Variants in SYNJ2 observed in about 807,000 individuals in gnomAD.
SYNJ2 encodes the protein polyphosphatidylinositol phosphatase SYNJ2.
SYNJ2 carries 116 observed loss-of-function variants against 141.3 expected under a neutral mutation model. That is an observed-to-expected ratio of 0.82 (90% CI 0.71 to 0.96). SYNJ2 has a LOEUF of 0.96. Among genes scored for constraint, SYNJ2 ranks in the 40% least tolerant of loss-of-function variants. SYNJ2 has a pLI of 0.00. For missense variants in SYNJ2, 1,873 were observed against 1,934.8 expected (o/e 0.97, Z 0.60); for synonymous variants, 745 against 777.7 (o/e 0.96, Z 0.70).
Position 158,027,273 on chromosome 6 carries a change from C to T in SYNJ2, c.215-1483C>T. ...CCAGACCATGGCTGTAGACAGCGGC[C>T]CTTGATCATTCACAGAAGATCTCGC... On this transcript the variant is annotated intron_variant, in intron 2 of 26. Transcript: ENST00000355585. The surrounding 1 kb of genome is among the most constrained non-coding windows in gnomAD (Gnocchi z 4.6). The T allele has an allele frequency of 1.1e-6, 1 of 896,046 alleles. No homozygotes were observed. The highest frequency in any genetic ancestry group is 1.3e-6 in the Non-Finnish European group (1 of 748,680). 55.5% of individuals were successfully genotyped at this position (896,046 alleles called of 1,614,324 possible). A position where few individuals can be genotyped will look rare whatever the true frequency, so the allele number is the denominator to read the frequency against.
intron 1 of SYNJ2, among the ~76,000 whole-genome samples, chr6:157,988,028 A>G (rs967879219): frequency 2.0e-5 from 3 of 152,272 alleles, no homozygotes; most frequent in Non-Finnish European, 4.4e-5. Flanking sequence ...GGCCATGTCC[A>G]GTGGCCTCTA....
chr6:158,071,910 G>A lies in SYNJ2; in HGVS notation c.2133+116G>A, dbSNP rs1781952456. On this transcript the variant is annotated intron_variant, in intron 15 of 26. Coordinates refer to ENST00000355585, the MANE Select transcript of SYNJ2 (RefSeq NM_003898.4). This position sits in a 1 kb window ranked among gnomAD's most constrained non-coding sequence, Gnocchi z 4.3. ...CCACAGGGAGGGCCCCTTCCTGGAG[G>A]GCTCAGCGCTGGGGGAGGGGGAGAG... 5.7e-6 allele frequency: 7 copies of A among 1,231,070 alleles called. No homozygotes were observed. The allele number at this position is 1,231,070 out of a possible 1,614,324, so 76.3% of individuals were successfully genotyped here. A position where few individuals can be genotyped will look rare whatever the true frequency, so the allele number is the denominator to read the frequency against.
intron 4 of SYNJ2, among the ~76,000 whole-genome samples, chr6:158,041,865 T>C (rs556046661): frequency 2.6e-4 from 40 of 152,194 alleles, no homozygotes; most frequent in Non-Finnish European, 4.8e-4. Flanking sequence ...TACGCCACCA[T>C]ACCCGGCTAA....
chr6:158,088,437 A>T (rs1289116392), intron 23 of SYNJ2, among the ~76,000 whole-genome samples: 4 of 152,160 alleles, frequency 2.6e-5, no homozygotes, highest in African/African-American at 9.7e-5. Flanking sequence ...TCTCCAGATC[A>T]TCTACATCAA....
intron 13 of SYNJ2, 132 bp from the exon 14 acceptor site, chr6:158,069,401 C>T (rs1781771118): frequency 1.7e-6 from 2 of 1,146,190 alleles, no homozygotes; most frequent in Non-Finnish European, 2.4e-6. Flanking sequence ...AAGCATGACA[C>T]TAATATTGGG....
At chr6:158,022,748 A>G (rs1583335633) in intron 2 of SYNJ2, among the ~76,000 whole-genome samples, 1 of 152,118 alleles carries the variant, frequency 6.6e-6, no homozygotes, top group Admixed American at 6.5e-5. Flanking sequence ...ACTGCCAAGA[A>G]CCCCGCAAGC....
intron 10 of SYNJ2, 21 bp downstream of exon 10, chr6:158,064,771 C>A: frequency 6.2e-7 from 1 of 1,612,512 alleles, no homozygotes; most frequent in Admixed American, 1.7e-5. Flanking sequence ...GCCGAGGGGG[C>A]AGGGTGGGGG....
intron 1 of SYNJ2, among the ~76,000 whole-genome samples, chr6:158,007,182 G>T (rs1778104922): frequency 6.6e-6 from 1 of 152,010 alleles, no homozygotes; most frequent in Admixed American, 6.6e-5. Flanking sequence ...TGTCCAGGTT[G>T]TTCTCGAACT....
chr6:158,066,739 T>C lies in SYNJ2; in HGVS notation c.1717+104T>C, dbSNP rs138500082. The C allele has an allele frequency of 4.3e-4, 573 of 1,344,140 alleles. No individual in the cohort carries two copies. In the African/African-American group the frequency reaches 7.2e-3, roughly 17 times the overall value. 83.3% of individuals were successfully genotyped at this position (1,344,140 alleles called of 1,614,324 possible). ...TCGTCTTGTGGAATTTCATCTTTGG[T>C]GTCTTCCCTCCTCACAATGTCTAAA... On this transcript the variant is annotated intron_variant, in intron 12 of 26. Transcript: ENST00000355585.
chr6:158,041,369 C>G (rs1248059395), intron 4 of SYNJ2, among the ~76,000 whole-genome samples: 1 of 152,192 alleles, frequency 6.6e-6, no homozygotes, highest in Non-Finnish European at 1.5e-5. Context: ...AAGTTGTTCG[C>G]CCAGAATGGA....
intron 2 of SYNJ2, among the ~76,000 whole-genome samples, chr6:158,021,012 C>T (rs1026166435): frequency 2.0e-5 from 3 of 152,148 alleles, no homozygotes; most frequent in Admixed American, 6.5e-5. Flanking sequence ...TTGGAGCTCC[C>T]GTGATTAGCC....
rs370192854 is a variant in SYNJ2, at chr6:158,043,757, C to T, written c.795+358C>T. Among the ~76,000 whole-genome samples, 3 of 152,274 alleles carry T rather than the reference C, an allele frequency of 2.0e-5. No individual in the cohort carries two copies. Among genetic ancestry groups the T allele is most frequent in the African/African-American group, 7.2e-5 (3 of 41,552 alleles). On this transcript the variant is annotated intron_variant, in intron 5 of 26. Transcript: ENST00000355585. The surrounding 1 kb of genome is among the most constrained non-coding windows in gnomAD (Gnocchi z 4.0). ...TGAGTTCGGTGTACTGAGGACGTTT[C>T]TGAGAGCCGTGACTCTCATGGAGGG...
intron 1 of SYNJ2, among the ~76,000 whole-genome samples, chr6:158,003,446 C>G (rs1017642437): frequency 6.6e-6 from 1 of 152,192 alleles, no homozygotes; most frequent in African/African-American, 2.4e-5. Context: ...GAAGGAGCAG[C>G]CACCAGCCAG....
In SYNJ2 at chr6:158,027,212, G is replaced by T; in HGVS notation, c.215-1544G>T. 7.1e-6 allele frequency: 7 copies of T among 984,640 alleles called. No homozygotes were observed. The highest frequency in any genetic ancestry group is 8.4e-6 in the Non-Finnish European group (7 of 829,302). The allele number at this position is 984,640 out of a possible 1,614,324, so 61.0% of individuals were successfully genotyped here. Reference sequence around the variant, plus strand: ...GGTGGTGGAACTGGTTGTTTTGGGGGTCTCTTCCTGGAGTGTGGAGAGATC... The same window carrying T: ...GGTGGTGGAACTGGTTGTTTTGGGGTTCTCTTCCTGGAGTGTGGAGAGATC... On this transcript the variant is annotated intron_variant, in intron 2 of 26. Coordinates refer to ENST00000355585, the MANE Select transcript of SYNJ2 (RefSeq NM_003898.4). This position sits in a 1 kb window ranked among gnomAD's most constrained non-coding sequence, Gnocchi z 4.6.
chr6:157,989,434 A>G (rs1351606167), intron 1 of SYNJ2, among the ~76,000 whole-genome samples: 1 of 51,022 alleles, frequency 2.0e-5, no homozygotes, highest in Non-Finnish European at 3.6e-5. Context: ...ATGAATATAT[A>G]TATATATATA....
intron 1 of SYNJ2, among the ~76,000 whole-genome samples, chr6:158,012,513 A>T (rs1645608580): frequency 6.6e-6 from 1 of 152,214 alleles, no homozygotes; most frequent in Non-Finnish European, 1.5e-5. Flanking sequence ...AGCCTCTGGG[A>T]GCTGCAAGAG....
intron 6 of SYNJ2, among the ~76,000 whole-genome samples, chr6:158,056,436 G>A (rs1387366050): frequency 1.3e-5 from 2 of 152,202 alleles, no homozygotes; most frequent in African/African-American, 4.8e-5. Flanking sequence ...GGCAGCTACT[G>A]TGTCCAGGAA....
At chr6:158,089,772 G>T in intron 24 of SYNJ2, 67 bp from the exon 25 acceptor site, 1 of 1,226,946 alleles carries the variant, frequency 8.2e-7, no homozygotes, top group South Asian at 1.3e-5. Context: ...ACGGGTAGCA[G>T]ATACGTCCCA....
At chr6:158,089,272 G>C (rs1042939531) in intron 24 of SYNJ2, among the ~76,000 whole-genome samples, 2 of 152,130 alleles carry the variant, frequency 1.3e-5, no homozygotes, top group Non-Finnish European at 2.9e-5. Context: ...CTGGGGAAGA[G>C]AGCAGGTGAA....
Sources: gnomAD v4.1 joint callset for allele counts (sites outside exome capture counted in the v4.1 genomes callset) on GRCh38, gnomAD v4.1.1 for gene constraint, Gnocchi (gnomAD v3.1) non-coding constraint, MANE v1.5 for transcripts, NCBI Gene and HGNC (gene_info 2026-07-23, HGNC 2026-07-21) for gene names.